SHD: variants seen among roughly 807,000 people sequenced by gnomAD.
The protein encoded by SHD is SH2 domain-containing adapter protein D.
A neutral mutation model predicts 31.2 loss-of-function variants in SHD; 29 were observed. The ratio of observed to expected loss-of-function variants is 0.93; its 90% confidence interval spans 0.69 to 1.27. SHD has a LOEUF of 1.27. Ranked by LOEUF, SHD falls within the 50% of genes most tolerant of loss-of-function variation. SHD has a pLI of 0.00. For missense variants in SHD, 520 were observed against 453.8 expected (o/e 1.15, Z -1.33); for synonymous variants, 208 against 187.8 (o/e 1.11, Z -0.88).
rs1971292702 is a variant in SHD at position 4,284,854 on chromosome 19, C to A, written c.666C>A (p.Ser222Arg). 3 of 1,612,464 alleles carry A rather than the reference C, an allele frequency of 1.9e-6. No homozygotes were observed. The highest frequency in any genetic ancestry group is 2.5e-6 in the Non-Finnish European group (3 of 1,179,468). The stretch of plus-strand genomic sequence containing the variant: ...AGCTCCGGAGACCTCCGCCCAGAAG[C>A]CCCCAGCCTGCGGAGCGTGTGGACC... ...AKELRRPPPR[S>R]PQPAERVDPA... Residue 222 changes from serine (S) to arginine (R), a missense_variant, in exon 4 of 6, where the codon AGC becomes AGA. Physicochemically the swap from Ser to Arg is moderately radical, Grantham distance 110. Coordinates refer to ENST00000543264, the MANE Select transcript of SHD (RefSeq NM_020209.4).
chr19:4,286,219 TTTCTTTCTTTCTTTTCTTTC>T (rs1347532472), intron 4 of SHD, among the ~76,000 whole-genome samples: 7 of 100,560 alleles, frequency 7.0e-5, no homozygotes, highest in South Asian at 3.1e-4. Flanking sequence ...TCTTTCTTTC[TTTCTTTCTTTCTTTTCTTTC>T]TTTCTTTCTT....
intron 1 of SHD, among the ~76,000 whole-genome samples, chr19:4,282,455 G>A (rs1212367600): frequency 1.3e-5 from 2 of 151,864 alleles, no homozygotes; most frequent in East Asian, 1.9e-4. Context: ...GCTGGGCGCG[G>A]TTGCTCACGC....
At chr19:4,283,308 T>A in intron 3 of SHD, 66 bp downstream of exon 3, 8 of 1,493,316 alleles carry the variant, frequency 5.4e-6, no homozygotes, top group Non-Finnish European at 6.4e-6. Context: ...TCTGGTCATG[T>A]CTCCTGTTTC....
rs1047413911 is a variant in SHD, at chr19:4,290,664, G to A, written c.*31G>A. ...ACCCTCGGCCCCCTTTTGAGTCCTC[G>A]GGCCCAGAATCGTATCCCAAAGCCC... is the stretch of plus-strand genomic sequence containing the variant. On this transcript the variant is annotated 3_prime_UTR_variant, in exon 6 of 6. Coordinates refer to ENST00000543264, the MANE Select transcript of SHD (RefSeq NM_020209.4). The A allele has an allele frequency of 8.4e-6, 13 of 1,555,874 alleles. No homozygotes were observed. The highest frequency in any genetic ancestry group is 1.1e-5 in the Non-Finnish European group (13 of 1,149,068).
At position 4,290,504 on chromosome 19, in the gene SHD, G is replaced by T. The variant is rs746174855; in HGVS notation, c.894G>T (p.Val298=). Reference sequence around the variant, plus strand: ...CGCGGACCCGTGAGAACCAGGTGGTGCTGGGCCAACACAGCGGGCCCTTCC... The same window carrying T: ...CGCGGACCCGTGAGAACCAGGTGGTTCTGGGCCAACACAGCGGGCCCTTCC... ...KFARTRENQV[V]LGQHSGPFPS... The change falls in exon 6 of 6, where the codon GTG becomes GTT. Residue 298 remains valine, a synonymous_variant. Transcript: ENST00000543264. The T allele has an allele frequency of 6.2e-7, 1 of 1,613,632 alleles. No homozygotes were observed. Among genetic ancestry groups the T allele is most frequent in the Non-Finnish European group, 8.5e-7 (1 of 1,179,990 alleles).
At chr19:4,284,428 T>C (rs1037014611) in intron 3 of SHD, 19 of 181,484 alleles carry the variant, frequency 1.0e-4, no homozygotes, top group Non-Finnish European at 1.9e-4. Flanking sequence ...TGTCCACCTG[T>C]CTGTAGATTG....
intron 2 of SHD, 26 bp downstream of exon 2, chr19:4,283,001 G>A (rs775962722): frequency 6.2e-7 from 1 of 1,614,094 alleles, no homozygotes. Context: ...TTGGGGGAAG[G>A]TGACAGGGTC....
intron 4 of SHD, among the ~76,000 whole-genome samples, chr19:4,287,777 C>G (rs1971335323): frequency 1.3e-5 from 2 of 149,878 alleles, no homozygotes; most frequent in Admixed American, 1.3e-4. Flanking sequence ...GAGCAAGACT[C>G]TGTCTCAAAA....
At chr19:4,283,287 G>T in intron 3 of SHD, 45 bp downstream of exon 3, 1 of 1,564,954 alleles carries the variant, frequency 6.4e-7, no homozygotes, top group Non-Finnish European at 8.7e-7. Flanking sequence ...CCCCATCCCT[G>T]CATTTCCTCA....
intron 5 of SHD, among the ~76,000 whole-genome samples, chr19:4,289,573 T>C (rs1221041064): frequency 6.7e-6 from 1 of 149,740 alleles, no homozygotes; most frequent in East Asian, 2.0e-4. Context: ...TTTATTTATT[T>C]ATTTATTTAT....
At chr19:4,288,167 A>T (rs1966101164) in intron 4 of SHD, 76 bp from the exon 5 acceptor site, 5 of 1,492,552 alleles carry the variant, frequency 3.3e-6, no homozygotes, top group Non-Finnish European at 4.5e-6. Flanking sequence ...AGCCTCCCAA[A>T]GTGCTGGGAT....
chr19:4,284,976 T>C, intron 4 of SHD, 72 bp downstream of exon 4: 1 of 1,383,632 alleles, frequency 7.2e-7, no homozygotes, highest in Non-Finnish European at 9.4e-7. Context: ...CAGGCAGAAG[T>C]TTTTTCGTTT....
intron 4 of SHD, among the ~76,000 whole-genome samples, chr19:4,286,422 G>A (rs4807572): frequency 0.32 from 48,690 of 150,214 alleles, 8,239 homozygotes; most frequent in Admixed American, 0.44. Context: ...TCAGCTCACT[G>A]TACCCCTGCA....
chr19:4,290,651 C>T lies in SHD; in HGVS notation c.*18C>T, dbSNP rs1206351641. On this transcript the variant is annotated 3_prime_UTR_variant, in exon 6 of 6. Transcript: ENST00000543264. ...CCCCCTGACAGTGACCCTCGGCCCC[C>T]TTTTGAGTCCTCGGGCCCAGAATCG... The T allele has an allele frequency of 1.3e-6, 2 of 1,569,608 alleles. No homozygotes were observed. The highest frequency in any genetic ancestry group is 1.2e-5 in the South Asian group (1 of 86,356).
Position 4,284,783 on chromosome 19 carries a change from C to T in SHD, c.595C>T (p.Gln199Ter), listed in dbSNP as rs765881464. 6.3e-7 allele frequency: 1 copy of T among 1,599,842 alleles called. No homozygotes were observed. Among genetic ancestry groups the T allele is most frequent in the Admixed American group, 1.7e-5 (1 of 59,076 alleles). Residue 199 changes from glutamine to a stop codon, truncating the protein, a stop_gained and splice_region_variant, in exon 4 of 6, where the codon CAG (glutamine) becomes TAG (stop). Transcript: ENST00000543264. LOFTEE classifies it high-confidence loss of function. ...TCCTCTCTAAATCTCCTTTCCAGTGCAGTTTGACAGTCCAGAGTGGGAGAG... is the reference window on the plus strand; with the variant it reads ...TCCTCTCTAAATCTCCTTTCCAGTGTAGTTTGACAGTCCAGAGTGGGAGAG... ...KDHISRAFAVQFDSPEWERTP... is the reference protein window; with the variant it reads ...KDHISRAFAV
intron 1 of SHD, 115 bp downstream of exon 1, chr19:4,280,475 C>G (rs1971246831): frequency 1.7e-6 from 2 of 1,176,980 alleles, no homozygotes; most frequent in South Asian, 3.2e-5. Context: ...GGGCACCAGA[C>G]AGACCCTTCC....
chr19:4,280,602 T>C (rs1030753280), intron 1 of SHD, among the ~76,000 whole-genome samples: 2 of 151,872 alleles, frequency 1.3e-5, no homozygotes, highest in African/African-American at 4.8e-5. Flanking sequence ...TCTCGGCTCA[T>C]TGCAACCTCC....
chr19:4,285,826 G>A lies in SHD; in HGVS notation c.716+922G>A, dbSNP rs181885850. On this transcript the variant is annotated intron_variant, in intron 4 of 5. Coordinates refer to ENST00000543264, the MANE Select transcript of SHD (RefSeq NM_020209.4). ...GCCTCCCAAAGTGCTGGGATTACAGGTGTGAGCCACCCCGCCCGGCCCTTC... is the reference window on the plus strand; with the variant it reads ...GCCTCCCAAAGTGCTGGGATTACAGATGTGAGCCACCCCGCCCGGCCCTTC... 1.5e-3 allele frequency among the ~76,000 whole-genome samples: 216 copies of A among 148,588 alleles called. 1 individual carries two copies. Among genetic ancestry groups the A allele is most frequent in the African/African-American group, 5.0e-3 (202 of 40,212 alleles).
intron 5 of SHD, among the ~76,000 whole-genome samples, chr19:4,290,001 G>A (rs895127951): frequency 1.3e-5 from 2 of 151,752 alleles, no homozygotes. Context: ...TCAGCCTCTT[G>A]AGTAGCTGGG....
Sources: allele counts gnomAD v4.1 joint callset (sites outside exome capture counted in the v4.1 genomes callset), GRCh38; gene constraint gnomAD v4.1.1; transcripts MANE v1.5; gene names NCBI Gene and HGNC (gene_info 2026-07-23, HGNC 2026-07-21).